The following CNTN5 variants were observed in gnomAD, a reference collection of about 807,000 sequenced individuals.
The protein encoded by CNTN5 is contactin 5.
Under a neutral mutation model 129.1 loss-of-function variants are expected in CNTN5, and 77 were observed. The ratio of observed to expected loss-of-function variants is 0.60; its 90% CI spans 0.50 to 0.72. The LOEUF (loss-of-function observed/expected upper bound fraction) is 0.72. Among genes scored for constraint, CNTN5 ranks in the 30% least tolerant of loss-of-function variants. The pLI is 0.00. For missense variants in CNTN5, 1,478 were observed against 1,328.8 expected (o/e 1.11, Z -1.75); for synonymous variants, 509 against 465.6 (o/e 1.09, Z -1.20).
intron 18 of CNTN5, among the ~76,000 whole-genome samples, chr11:100,286,856 G>A (rs1950806920): frequency 6.6e-6 from 1 of 151,120 alleles, no homozygotes; most frequent in Admixed American, 6.6e-5. Flanking sequence ...TGAAAACTTT[G>A]AAAAAAATTT....
intron 3 of CNTN5, among the ~76,000 whole-genome samples, chr11:99,684,910 A>G (rs1396686185): frequency 2.6e-5 from 4 of 151,382 alleles, no homozygotes; most frequent in Non-Finnish European, 4.4e-5. Context: ...TTTTTGCTTT[A>G]TTGATCTCTT....
chr11:99,194,913 A>G, intron 1 of CNTN5, among the ~76,000 whole-genome samples: 1 of 152,116 alleles, frequency 6.6e-6, no homozygotes, highest in Non-Finnish European at 1.5e-5. Flanking sequence ...CCCCTGTTGA[A>G]TTGTTTTAGA....
intron 15 of CNTN5, among the ~76,000 whole-genome samples, chr11:100,212,619 T>C (rs1279619999): frequency 6.6e-6 from 1 of 152,164 alleles, no homozygotes; most frequent in Non-Finnish European, 1.5e-5. Flanking sequence ...TCTAGTTAGC[T>C]GTACGACCTT....
chr11:99,044,150 A>G (rs1442112166), intron 1 of CNTN5, among the ~76,000 whole-genome samples: 4 of 152,210 alleles, frequency 2.6e-5, no homozygotes, highest in African/African-American at 4.8e-5. Context: ...AAAGATTATT[A>G]CATGCATGAA....
intron 2 of CNTN5, among the ~76,000 whole-genome samples, chr11:99,537,167 C>T (rs1947932315): frequency 6.6e-6 from 1 of 152,138 alleles, no homozygotes; most frequent in Non-Finnish European, 1.5e-5. Context: ...CCTGGATGGT[C>T]TAACCACAGA....
chr11:99,050,647 C>T (rs987875138), intron 1 of CNTN5, among the ~76,000 whole-genome samples: 6 of 151,396 alleles, frequency 4.0e-5, no homozygotes, highest in Non-Finnish European at 5.9e-5. Flanking sequence ...TAATGGTAAC[C>T]GAATATATTT....
intron 3 of CNTN5, among the ~76,000 whole-genome samples, chr11:99,560,291 A>G (rs554034250): frequency 4.0e-5 from 6 of 149,048 alleles, no homozygotes; most frequent in Non-Finnish European, 7.4e-5. Context: ...TATTATTATT[A>G]TTATTATTAT....
Position 99,794,062 on chromosome 11 carries a change from G to A in CNTN5, c.56-25482G>A, listed in dbSNP as rs549301957. ...TGTGGTTATCTGCATCTCTCCATAGGTCTCTAAGAGCTTGCTTTTGAATCT... is the reference window on the plus strand; with the variant it reads ...TGTGGTTATCTGCATCTCTCCATAGATCTCTAAGAGCTTGCTTTTGAATCT... On this transcript the variant is annotated intron_variant, in intron 3 of 24. Transcript: ENST00000524871. Among the ~76,000 whole-genome samples, 22 of 152,160 alleles carry A rather than the reference G, an allele frequency of 1.4e-4. 1 individual carries two copies. In the South Asian group the frequency reaches 4.2e-3, roughly 29 times the overall value.
intron 3 of CNTN5, among the ~76,000 whole-genome samples, chr11:99,573,583 TAAAAATA>T (rs138571280): frequency 0.91 from 137,047 of 150,076 alleles, 63,137 homozygotes; most frequent in Non-Finnish European, 0.99. Flanking sequence ...CAAAAAAAAA[TAAAAATA>T]AAAAATAAAA....
At chr11:99,892,475 C>A (rs1203730762) in intron 6 of CNTN5, among the ~76,000 whole-genome samples, 1 of 152,092 alleles carries the variant, frequency 6.6e-6, no homozygotes, top group Non-Finnish European at 1.5e-5. Flanking sequence ...ACATTTAAGT[C>A]TTTAATCCAT....
At chr11:100,287,812 C>A (rs981926798) in intron 18 of CNTN5, among the ~76,000 whole-genome samples, 1 of 152,042 alleles carries the variant, frequency 6.6e-6, no homozygotes, top group African/African-American at 2.4e-5. Context: ...CACAGACTGG[C>A]AAATTAGATA....
In CNTN5 at chr11:99,610,912, G is replaced by GA. The variant is rs1950574435; in HGVS notation, c.55+54649dup. Among the ~76,000 whole-genome samples the GA allele has an allele frequency of 2.6e-5, 4 of 152,234 alleles. No homozygotes were observed. The South Asian group carries it at 8.3e-4, about 32-fold the overall frequency. ...ATAAATAAGCAGCGCTATGTGCTTA[G>GA]AAAAAAGCGGGGAGTAGACACACAA... On this transcript the variant is annotated intron_variant, in intron 3 of 24. Transcript: ENST00000524871.
chr11:99,769,678 G>T lies in CNTN5; in HGVS notation c.56-49866G>T, dbSNP rs907798397. On this transcript the variant is annotated intron_variant, in intron 3 of 24. Coordinates refer to ENST00000524871, the MANE Select transcript of CNTN5 (RefSeq NM_014361.4). ...ATAGCGAAACCCCCAGCCAGGTGTGGTGGTGCTTGCCTGTAATCCCAGCTA... is the reference window on the plus strand; with the variant it reads ...ATAGCGAAACCCCCAGCCAGGTGTGTTGGTGCTTGCCTGTAATCCCAGCTA... 2.3e-4 allele frequency among the ~76,000 whole-genome samples: 35 copies of T among 152,134 alleles called. 3 individuals carry two copies. The highest frequency in any genetic ancestry group is 1.4e-3 in the Admixed American group (21 of 15,238).
chr11:99,961,514 G>T (rs192794640), intron 8 of CNTN5, among the ~76,000 whole-genome samples: 20 of 152,116 alleles, frequency 1.3e-4, no homozygotes, highest in Non-Finnish European at 8.8e-5. Context: ...CTAAAGAAAG[G>T]GTTGAGGACC....
At chr11:99,895,690 C>A (rs530561249) in intron 6 of CNTN5, among the ~76,000 whole-genome samples, 1 of 152,086 alleles carries the variant, frequency 6.6e-6, no homozygotes, top group Non-Finnish European at 1.5e-5. Flanking sequence ...GGGGATCACA[C>A]TTCTGCCATG....
chr11:100,082,574 G>T (rs1420026176), intron 13 of CNTN5, among the ~76,000 whole-genome samples: 18 of 152,098 alleles, frequency 1.2e-4, no homozygotes. Context: ...TTATACGTGT[G>T]AGCCACTCTG....
At chr11:100,307,164 G>T (rs1951369935) in intron 20 of CNTN5, among the ~76,000 whole-genome samples, 2 of 151,584 alleles carry the variant, frequency 1.3e-5, no homozygotes, top group South Asian at 4.2e-4. Context: ...CTCAGAAAAT[G>T]ATTATGTCTT....
At chr11:100,057,411 A>G (rs1394122124) in intron 9 of CNTN5, among the ~76,000 whole-genome samples, 3 of 151,568 alleles carry the variant, frequency 2.0e-5, no homozygotes, top group South Asian at 2.1e-4. Flanking sequence ...TATTATATCT[A>G]TCATTTATTG....
intron 8 of CNTN5, among the ~76,000 whole-genome samples, chr11:99,999,589 G>T (rs1939715813): frequency 6.6e-6 from 1 of 152,202 alleles, no homozygotes; most frequent in Non-Finnish European, 1.5e-5. Context: ...CATTGTGGAA[G>T]TCAGTGTGGC....
Sources: gnomAD v4.1 joint callset for allele counts (sites outside exome capture counted in the v4.1 genomes callset) on GRCh38, gnomAD v4.1.1 for gene constraint, MANE v1.5 for transcripts, NCBI Gene and HGNC (gene_info 2026-07-23, HGNC 2026-07-21) for gene names.